Variants in PICALM observed in about 807,000 individuals in gnomAD.
PICALM encodes phosphatidylinositol binding clathrin assembly protein, also known as phosphatidylinositol-binding clathrin assembly protein.
A neutral mutation model predicts 80.5 loss-of-function variants in PICALM; 40 were observed. The ratio of observed to expected loss-of-function variants is 0.50; its 90% CI spans 0.39 to 0.65. The LOEUF is 0.65. Among genes scored for constraint, PICALM ranks in the 30% least tolerant of loss-of-function variants. The pLI is 0.00. For missense variants in PICALM, 676 were observed against 778.9 expected (o/e 0.87, Z 1.57); for synonymous variants, 288 against 260.3 (o/e 1.11, Z -1.02).
chr11:85,995,549 C>A (rs1249300924), intron 12 of PICALM, among the ~76,000 whole-genome samples: 1 of 152,120 alleles, frequency 6.6e-6, no homozygotes, highest in Non-Finnish European at 1.5e-5. Flanking sequence ...AATTGCAGTT[C>A]AGCTTCTTTG....
At chr11:86,056,843 A>G (rs1037223967) in intron 1 of PICALM, among the ~76,000 whole-genome samples, 3 of 152,226 alleles carry the variant, frequency 2.0e-5, no homozygotes, top group African/African-American at 7.2e-5. Context: ...CACCTATAAA[A>G]ATGAATAAAG....
chr11:85,968,499 A>T (rs1445399109), intron 19 of PICALM, among the ~76,000 whole-genome samples: 1 of 152,202 alleles, frequency 6.6e-6, no homozygotes, highest in Admixed American at 6.5e-5. Context: ...AAAATACCTA[A>T]ACTGCCATAT....
chr11:85,989,185 A>G (rs1230811806), intron 13 of PICALM, among the ~76,000 whole-genome samples: 1 of 152,210 alleles, frequency 6.6e-6, no homozygotes. Flanking sequence ...AAGGGCTGGC[A>G]ACTTGTATCA....
intron 11 of PICALM, among the ~76,000 whole-genome samples, chr11:85,999,164 A>G (rs1009739859): frequency 6.6e-6 from 1 of 152,228 alleles, no homozygotes; most frequent in Middle Eastern, 3.2e-3. Flanking sequence ...CTACTGTGCT[A>G]TCAAACACTA....
intron 1 of PICALM, among the ~76,000 whole-genome samples, chr11:86,053,515 T>C (rs1311383752): frequency 6.6e-6 from 1 of 152,224 alleles, no homozygotes; most frequent in Non-Finnish European, 1.5e-5. Flanking sequence ...TCTAAAGTTT[T>C]ATTTTAACAA....
Position 86,069,010 on chromosome 11 carries a change from C to T in PICALM, c.-230G>A, listed in dbSNP as rs1202609570. ...GTCGGGCACTCCCTTGCCCCCGCCT[C>T]AGTTCAGCCCACCCCTTCCCGGGTC... On this transcript the variant is annotated 5_prime_UTR_variant, in exon 1 of 20. Transcript: ENST00000393346. 5 of 534,236 alleles carry T rather than the reference C, an allele frequency of 9.4e-6. No individual in the cohort carries two copies. Among genetic ancestry groups the T allele is most frequent in the Admixed American group, 7.1e-5 (2 of 28,362 alleles). 33.1% of individuals were successfully genotyped at this position (534,236 alleles called of 1,614,324 possible).
intron 19 of PICALM, among the ~76,000 whole-genome samples, chr11:85,963,344 G>GT (rs1467808394): frequency 6.6e-6 from 1 of 151,338 alleles, no homozygotes; most frequent in Non-Finnish European, 1.5e-5. Context: ...ACATCACCAG[G>GT]TATCTATCAC....
chr11:85,972,549 T>C (rs1042942692), intron 19 of PICALM, among the ~76,000 whole-genome samples: 4 of 152,204 alleles, frequency 2.6e-5, no homozygotes, highest in African/African-American at 9.6e-5. Context: ...GGAAATTGTC[T>C]GGTAGTATCC....
chr11:85,975,590 G>GA (rs1372949476), intron 18 of PICALM, among the ~76,000 whole-genome samples: 1 of 106,584 alleles, frequency 9.4e-6, no homozygotes, highest in East Asian at 3.0e-4. Flanking sequence ...TTTCTCAGCA[G>GA]ACTTTTTTTT....
intron 1 of PICALM, among the ~76,000 whole-genome samples, chr11:86,058,259 T>A (rs1384374439): frequency 2.0e-5 from 3 of 152,150 alleles, no homozygotes; most frequent in Non-Finnish European, 4.4e-5. Flanking sequence ...CCCACAAAGA[T>A]GACCCTTGAT....
Position 86,068,635 on chromosome 11 carries a change from G to A in PICALM, c.130+16C>T, listed in dbSNP as rs1055081754. ...GCGGGCGCCGGGGAGCGGGGGCCGC[G>A]GTCGGCTTCACTCACAGTCCAGGTG... On this transcript the variant is annotated intron_variant, in intron 1 of 19. Coordinates refer to ENST00000393346, the MANE Select transcript of PICALM (RefSeq NM_007166.4). 1.9e-6 allele frequency: 3 copies of A among 1,597,674 alleles called. No homozygotes were observed. Among genetic ancestry groups the A allele is most frequent in the Admixed American group, 1.8e-5 (1 of 55,288 alleles).
intron 19 of PICALM, among the ~76,000 whole-genome samples, chr11:85,969,120 AG>A (rs1360662245): frequency 6.6e-6 from 1 of 152,222 alleles, no homozygotes; most frequent in East Asian, 1.9e-4. Context: ...GCCATCTGGA[AG>A]GTGTTAGCTG....
chr11:86,056,500 A>G (rs1319361080), intron 1 of PICALM, among the ~76,000 whole-genome samples: 1 of 152,088 alleles, frequency 6.6e-6, no homozygotes, highest in East Asian at 1.9e-4. Flanking sequence ...TAAAAATCAT[A>G]AAACTAAAAT....
intron 1 of PICALM, among the ~76,000 whole-genome samples, chr11:86,059,915 A>G (rs1352784266): frequency 6.6e-6 from 1 of 152,122 alleles, no homozygotes; most frequent in Non-Finnish European, 1.5e-5. Context: ...GTTCCAATTA[A>G]TAACTAATTT....
chr11:86,031,005 C>A (rs1484909132), intron 2 of PICALM, among the ~76,000 whole-genome samples: 2 of 152,110 alleles, frequency 1.3e-5, no homozygotes, highest in Non-Finnish European at 2.9e-5. Flanking sequence ...GTAATCCCAG[C>A]TACATGGGAG....
chr11:86,037,300 C>T (rs1412265808), intron 1 of PICALM, among the ~76,000 whole-genome samples: 2 of 135,884 alleles, frequency 1.5e-5, no homozygotes, highest in African/African-American at 5.6e-5. Flanking sequence ...CACTCTATCG[C>T]CCAGGCTGGA....
In PICALM at chr11:86,022,367, C is replaced by G. The variant is rs762002253; in HGVS notation, c.452G>C (p.Gly151Ala). The part of the protein sequence containing the change: ...VAFDFTKVKR[G>A]ADGVMRTMNT... ...AGATGTCAAAAAAAGCTTAACTCAC[C>G]CTCTCTTCACTTTTGTGAAATCAAA... Residue 151 changes from glycine (G) to alanine (A), a missense_variant and splice_region_variant, in exon 4 of 20, where the codon GGG (glycine) becomes GCG (alanine). Coordinates refer to ENST00000393346, the MANE Select transcript of PICALM (RefSeq NM_007166.4). 1 of 1,527,952 alleles carries G rather than the reference C, an allele frequency of 6.5e-7. No individual in the cohort carries two copies. The highest frequency in any genetic ancestry group is 8.9e-7 in the Non-Finnish European group (1 of 1,120,422). The allele number at this position is 1,527,952 out of a possible 1,614,324, so 94.6% of individuals were successfully genotyped here.
chr11:85,959,483 A>T (rs1311824275), intron 19 of PICALM, among the ~76,000 whole-genome samples: 1 of 151,862 alleles, frequency 6.6e-6, no homozygotes, highest in East Asian at 2.0e-4. Context: ...AAATACAAAA[A>T]TTAGCCAGGC....
intron 1 of PICALM, among the ~76,000 whole-genome samples, chr11:86,057,909 C>A (rs989229792): frequency 7.9e-5 from 12 of 152,016 alleles, no homozygotes; most frequent in Non-Finnish European, 1.6e-4. Context: ...GTCCTGGAAC[C>A]AATCCCCTAT....
Sources: gnomAD v4.1 joint callset for allele counts (sites outside exome capture counted in the v4.1 genomes callset) on GRCh38, gnomAD v4.1.1 for gene constraint, MANE v1.5 for transcripts, NCBI Gene and HGNC (gene_info 2026-07-23, HGNC 2026-07-21) for gene names.